Variants in FAM135B observed in about 807,000 individuals in gnomAD.
The protein encoded by FAM135B is family with sequence similarity 135 member B.
FAM135B carries 43 observed loss-of-function variants against 127.7 expected under a neutral mutation model. The ratio of observed to expected loss-of-function variants is 0.34; its 90% CI spans 0.26 to 0.43. FAM135B has a LOEUF of 0.43. Among genes scored for constraint, FAM135B ranks in the 20% least tolerant of loss-of-function variants. The probability of loss-of-function intolerance (pLI) is 1.00; values close to 1 mark genes in which losing one functional copy is unlikely to be tolerated. For missense variants in FAM135B, 1,558 were observed against 1,725.6 expected, an observed-to-expected ratio of 0.90 and a Z score of 1.72; for synonymous variants, 670 against 665.1, an observed-to-expected ratio of 1.01 and a Z score of -0.11.
intron 3 of FAM135B, among the ~76,000 whole-genome samples, chr8:138,278,042 C>A (rs1257487034): frequency 2.0e-5 from 3 of 152,024 alleles, no homozygotes; most frequent in Non-Finnish European, 4.4e-5. Context: ...TTGTGCTCAG[C>A]CCCCAGCAAC....
At chr8:138,350,953 C>T (rs1250539003) in intron 2 of FAM135B, among the ~76,000 whole-genome samples, 4 of 152,072 alleles carry the variant, frequency 2.6e-5, no homozygotes, top group Non-Finnish European at 2.9e-5. Flanking sequence ...CATCATTCAC[C>T]ATGTAACCCT....
chr8:138,415,549 G>A (rs1519399), intron 1 of FAM135B, among the ~76,000 whole-genome samples: 13,354 of 152,196 alleles, frequency 0.088, 1,001 homozygotes, highest in East Asian at 0.26. Flanking sequence ...CAGACACAGC[G>A]AAGTAGCATC....
Position 138,295,102 on chromosome 8 carries a change from C to CTTTTTTTT in FAM135B, c.157+15731_157+15738dup, listed in dbSNP as rs527258472. Among the ~76,000 whole-genome samples the CTTTTTTTT allele has an allele frequency of 8.0e-4, 66 of 82,216 alleles. 3 individuals are homozygous for CTTTTTTTT. The highest frequency in any genetic ancestry group is 3.1e-3 in the African/African-American group (63 of 20,162). 53.9% of individuals were successfully genotyped at this position (82,216 alleles called of 152,430 possible). A position where few individuals can be genotyped will look rare whatever the true frequency, so the allele number is the denominator to read the frequency against. On this transcript the variant is annotated intron_variant, in intron 3 of 19. Transcript: ENST00000395297. Reference sequence around the variant, plus strand: ...AATGTCAATACCACCCTTGCTGGTGCTTTTTTTTTTTTTTTTTTTTTTTTT... The same window carrying CTTTTTTTT: ...AATGTCAATACCACCCTTGCTGGTGCTTTTTTTTTTTTTTTTTTTTTTTTTTTTTTTTT...
chr8:138,387,180 T>A (rs1832270204), intron 1 of FAM135B, among the ~76,000 whole-genome samples: 1 of 152,170 alleles, frequency 6.6e-6, no homozygotes. Context: ...ACATTATAGT[T>A]GCACAGACCA....
At chr8:138,148,448 T>C (rs754534584) in intron 14 of FAM135B, 72 bp downstream of exon 14, 169 of 1,272,920 alleles carry the variant, frequency 1.3e-4, no homozygotes, top group Non-Finnish European at 1.7e-4. Context: ...ATACCTCATC[T>C]AAATTAATAC....
chr8:138,369,506 G>A (rs1014923715), intron 1 of FAM135B, among the ~76,000 whole-genome samples: 6 of 152,262 alleles, frequency 3.9e-5, no homozygotes, highest in African/African-American at 1.4e-4. Flanking sequence ...AGATTCAGAA[G>A]GCTGCATACC....
chr8:138,271,095 C>T (rs987183625), intron 3 of FAM135B, among the ~76,000 whole-genome samples: 1 of 152,134 alleles, frequency 6.6e-6, no homozygotes, highest in Non-Finnish European at 1.5e-5. Flanking sequence ...CAGCCCAGGG[C>T]TTCTTGGATG....
At chr8:138,264,186 C>T (rs1822743571) in intron 4 of FAM135B, among the ~76,000 whole-genome samples, 1 of 152,190 alleles carries the variant, frequency 6.6e-6, no homozygotes, top group African/African-American at 2.4e-5. Context: ...TCTCCCTGAG[C>T]TCATGGCATG....
At chr8:138,256,975 A>G (rs372195348) in intron 4 of FAM135B, among the ~76,000 whole-genome samples, 2 of 152,248 alleles carry the variant, frequency 1.3e-5, no homozygotes, top group Non-Finnish European at 2.9e-5. Context: ...AGGGATATAC[A>G]TACCCAGTTT....
chr8:138,316,654 C>A (rs1391614234), intron 2 of FAM135B, among the ~76,000 whole-genome samples: 2 of 152,164 alleles, frequency 1.3e-5, no homozygotes, highest in East Asian at 3.9e-4. Context: ...AATGGAACAG[C>A]CACTCTGGAA....
intron 15 of FAM135B, among the ~76,000 whole-genome samples, chr8:138,144,057 A>C (rs1817444843): frequency 6.6e-6 from 1 of 152,202 alleles, no homozygotes; most frequent in Non-Finnish European, 1.5e-5. Context: ...GTTGCTTCCC[A>C]TCTAAACCTC....
At chr8:138,142,172 A>G (rs1817222776) in intron 16 of FAM135B, among the ~76,000 whole-genome samples, 1 of 152,142 alleles carries the variant, frequency 6.6e-6, no homozygotes, top group Non-Finnish European at 1.5e-5. Context: ...CAATTGCATG[A>G]AAAATGCAAG....
intron 1 of FAM135B, among the ~76,000 whole-genome samples, chr8:138,416,408 C>T (rs941454787): frequency 2.0e-5 from 3 of 152,106 alleles, no homozygotes; most frequent in African/African-American, 7.2e-5. Flanking sequence ...ATGTTTGGTA[C>T]TTGTTTTATT....
At chr8:138,276,801 G>C (rs559216592) in intron 3 of FAM135B, among the ~76,000 whole-genome samples, 1 of 152,134 alleles carries the variant, frequency 6.6e-6, no homozygotes, top group Non-Finnish European at 1.5e-5. Flanking sequence ...GGAGCACAGA[G>C]AGTACCTAGT....
intron 2 of FAM135B, among the ~76,000 whole-genome samples, chr8:138,348,590 C>T (rs1027352977): frequency 6.6e-6 from 1 of 152,206 alleles, no homozygotes; most frequent in Non-Finnish European, 1.5e-5. Flanking sequence ...ACTATATTAA[C>T]ACATCTTCTT....
At chr8:138,471,700 C>G (rs958788305) in intron 1 of FAM135B, among the ~76,000 whole-genome samples, 1 of 151,980 alleles carries the variant, frequency 6.6e-6, no homozygotes, top group African/African-American at 2.4e-5. Flanking sequence ...AGTGAGAAAC[C>G]TATGGTAATT....
intron 7 of FAM135B, among the ~76,000 whole-genome samples, chr8:138,234,345 T>C (rs1417912751): frequency 1.3e-5 from 2 of 152,168 alleles, no homozygotes; most frequent in African/African-American, 2.4e-5. Flanking sequence ...TATTATGTGA[T>C]CCAGAAATCC....
chr8:138,409,866 T>A (rs190507233), intron 1 of FAM135B, among the ~76,000 whole-genome samples: 1 of 100,972 alleles, frequency 9.9e-6, no homozygotes, highest in Non-Finnish European at 1.8e-5. Context: ...GGCGACAGAG[T>A]AAGACTCCGT....
At chr8:138,244,646 C>T (rs2130416351) in intron 6 of FAM135B, among the ~76,000 whole-genome samples, 2 of 152,344 alleles carry the variant, frequency 1.3e-5, no homozygotes, top group South Asian at 4.1e-4. Context: ...AAGCAACTCT[C>T]TAATTTAGCT....
Sources: gnomAD v4.1 joint callset for allele counts (sites outside exome capture counted in the v4.1 genomes callset) on GRCh38, gnomAD v4.1.1 for gene constraint, MANE v1.5 for transcripts, NCBI Gene and HGNC (gene_info 2026-07-23, HGNC 2026-07-21) for gene names.